Variants in CEP112 observed in about 807,000 individuals in gnomAD.
The protein encoded by CEP112 is centrosomal protein 112, also known as centrosomal protein of 112 kDa.
In CEP112, 127 loss-of-function variants were observed where a neutral mutation model predicts 153.0. The observed-to-expected ratio is 0.83, with a 90% CI of 0.72 to 0.96. CEP112 has a LOEUF of 0.96. CEP112 is among the 40% of genes least tolerant of loss of function. The pLI, the probability that CEP112 is intolerant of heterozygous loss-of-function variation, is 0.00. For synonymous variants in CEP112, 358 were observed against 374.4 expected (o/e 0.96, Z 0.51); for missense variants, 1,089 against 1,101.2 (o/e 0.99, Z 0.16).
intron 21 of CEP112, among the ~76,000 whole-genome samples, chr17:65,843,447 G>A (rs1000277558): frequency 1.3e-5 from 2 of 152,078 alleles, no homozygotes; most frequent in South Asian, 2.1e-4. Flanking sequence ...TTTAGCAAAG[G>A]AAAAAGTCAT....
intron 17 of CEP112, among the ~76,000 whole-genome samples, chr17:66,003,352 C>A (rs2064138633): frequency 6.6e-6 from 1 of 152,122 alleles, no homozygotes; most frequent in Non-Finnish European, 1.5e-5. Flanking sequence ...AACTTCAGGG[C>A]TCTTTGACTA....
chr17:66,128,410 C>T (rs2069963242), intron 6 of CEP112, among the ~76,000 whole-genome samples: 1 of 151,340 alleles, frequency 6.6e-6, no homozygotes, highest in African/African-American at 2.4e-5. Flanking sequence ...ATAGAACTTT[C>T]ATAATCCCAC....
At chr17:66,183,564 T>G (rs921279509) in intron 1 of CEP112, among the ~76,000 whole-genome samples, 1 of 152,072 alleles carries the variant, frequency 6.6e-6, no homozygotes, top group Non-Finnish European at 1.5e-5. Flanking sequence ...AGAACTCACA[T>G]TACCAGATTT....
intron 8 of CEP112, among the ~76,000 whole-genome samples, chr17:66,091,236 TAC>T (rs2068119790): frequency 6.6e-6 from 1 of 152,118 alleles, no homozygotes; most frequent in African/African-American, 2.4e-5. Context: ...GGCCACAGAA[TAC>T]ACATTCTTCT....
chr17:65,739,986 T>C (rs1442723072), intron 23 of CEP112, among the ~76,000 whole-genome samples: 2 of 152,014 alleles, frequency 1.3e-5, no homozygotes, highest in Admixed American at 1.3e-4. Flanking sequence ...AGTTTAAATA[T>C]AGATAAAATT....
intron 19 of CEP112, among the ~76,000 whole-genome samples, chr17:65,927,229 G>A (rs994504081): frequency 6.6e-6 from 1 of 152,118 alleles, no homozygotes; most frequent in Non-Finnish European, 1.5e-5. Context: ...CTTCTGCCAT[G>A]ATTGGGAGCT....
intron 18 of CEP112, among the ~76,000 whole-genome samples, chr17:65,937,548 C>T (rs1215291739): frequency 3.5e-5 from 4 of 115,938 alleles, no homozygotes; most frequent in Admixed American, 1.0e-4. Context: ...CGGCCAGCCG[C>T]CCCGTCCGGG....
chr17:65,837,624 G>A (rs552942327), intron 21 of CEP112, among the ~76,000 whole-genome samples: 40 of 152,220 alleles, frequency 2.6e-4, no homozygotes, highest in African/African-American at 8.9e-4. Flanking sequence ...CCATGATGAC[G>A]ATGGCAGTTT....
intron 17 of CEP112, among the ~76,000 whole-genome samples, chr17:65,970,286 GGAT>G (rs1243646064): frequency 2.0e-5 from 3 of 148,624 alleles, no homozygotes; most frequent in Non-Finnish European, 4.5e-5. Flanking sequence ...TATGTAGCAT[GGAT>G]GTCATACTGC....
At chr17:66,069,780 A>G (rs1327917620) in intron 9 of CEP112, 135 bp downstream of exon 9, 1 of 542,528 alleles carries the variant, frequency 1.8e-6, no homozygotes, top group East Asian at 3.1e-5. Flanking sequence ...TATTCCACTT[A>G]TAACAGAATG....
At chr17:65,704,679 T>G (rs1598357747) in intron 23 of CEP112, among the ~76,000 whole-genome samples, 1 of 152,342 alleles carries the variant, frequency 6.6e-6, no homozygotes, top group East Asian at 1.9e-4. Context: ...ATGAAAGAGA[T>G]ACTGCTTGAG....
At chr17:65,826,931 AGGCAGACCAACCCTCAATCTGGGTG>A (rs2056863752) in intron 21 of CEP112, among the ~76,000 whole-genome samples, 1 of 152,098 alleles carries the variant, frequency 6.6e-6, no homozygotes, top group African/African-American at 2.4e-5. Context: ...GGACTGGGAG[AGGCAGACCAACCCTCAATCTGGGTG>A]GGCACCATCT....
At chr17:65,712,359 C>T (rs2049241623) in intron 23 of CEP112, among the ~76,000 whole-genome samples, 1 of 152,096 alleles carries the variant, frequency 6.6e-6, no homozygotes, top group Non-Finnish European at 1.5e-5. Context: ...ATAAACACCT[C>T]CTTATCCACT....
chr17:66,173,998 G>A (rs919908436), intron 4 of CEP112, among the ~76,000 whole-genome samples: 1 of 151,800 alleles, frequency 6.6e-6, no homozygotes, highest in African/African-American at 2.4e-5. Flanking sequence ...GTGGAATCTC[G>A]GCTCACTGCA....
At chr17:65,842,524 C>T (rs757947906) in intron 21 of CEP112, among the ~76,000 whole-genome samples, 1 of 152,166 alleles carries the variant, frequency 6.6e-6, no homozygotes, top group Admixed American at 6.5e-5. Context: ...ACATCCATGA[C>T]TCCACACTGA....
intron 21 of CEP112, among the ~76,000 whole-genome samples, chr17:65,818,341 C>T (rs1568061403): frequency 6.6e-6 from 1 of 151,698 alleles, no homozygotes; most frequent in African/African-American, 2.4e-5. Flanking sequence ...TGCAGAACAC[C>T]AAAAGCCACA....
At chr17:66,113,837 A>C (rs929210359) in intron 6 of CEP112, among the ~76,000 whole-genome samples, 8 of 152,194 alleles carry the variant, frequency 5.3e-5, no homozygotes, top group Non-Finnish European at 1.2e-4. Flanking sequence ...TCTTGAGTCT[A>C]TTTGGGGGAA....
intron 21 of CEP112, among the ~76,000 whole-genome samples, chr17:65,799,506 A>C (rs1020775132): frequency 1.4e-4 from 22 of 152,330 alleles, no homozygotes; most frequent in African/African-American, 3.8e-4. Context: ...GAGGTCTGTG[A>C]GCAGGGAATA....
rs2066557746 is a variant in CEP112 at position 66,053,846 on chromosome 17, T to C, written c.1108A>G (p.Lys370Glu). The C allele has an allele frequency of 6.2e-7, 1 of 1,613,366 alleles. No homozygotes were observed. The highest frequency in any genetic ancestry group is 8.5e-7 in the Non-Finnish European group (1 of 1,179,564). Reference sequence around the variant, plus strand: ...GTGTGTTGCTTTTGAAGATCAAACTTTTCCTGTTCCATTTCTGCTACAGCA... The same window carrying C: ...GTGTGTTGCTTTTGAAGATCAAACTCTTCCTGTTCCATTTCTGCTACAGCA... ...HNAVAEMEQE[K>E]FDLQKQHTEN... Residue 370 changes from lysine (K) to glutamate (E), a missense_variant, in exon 12 of 27, where the codon AAG becomes GAG. Transcript: ENST00000535342.
Sources: gnomAD v4.1 joint callset for allele counts (sites outside exome capture counted in the v4.1 genomes callset) on GRCh38, gnomAD v4.1.1 for gene constraint, MANE v1.5 for transcripts, NCBI Gene and HGNC (gene_info 2026-07-23, HGNC 2026-07-21) for gene names.